Variants in ADGRV1 observed in about 807,000 individuals in gnomAD.
ADGRV1 encodes G-protein coupled receptor 98.
In ADGRV1, 359 loss-of-function variants were observed where a neutral mutation model predicts 596.2. That is an observed-to-expected ratio of 0.60 (90% CI 0.55 to 0.66). The LOEUF (loss-of-function observed/expected upper bound fraction) is 0.66, where lower values mean the gene tolerates loss of function less well. Among genes scored for constraint, ADGRV1 ranks in the 30% least tolerant of loss-of-function variants. The probability of loss-of-function intolerance (pLI) is 0.00; values close to 1 mark genes in which losing one functional copy is unlikely to be tolerated. For synonymous variants in ADGRV1, 2,681 were observed against 2,679.2 expected (o/e 1.00, Z -0.02); for missense variants, 7,274 against 7,575.6 (o/e 0.96, Z 1.48).
chr5:90,915,206 G>T (rs539728644), intron 83 of ADGRV1, among the ~76,000 whole-genome samples: 126 of 152,172 alleles, frequency 8.3e-4, no homozygotes, highest in Non-Finnish European at 1.4e-3. Flanking sequence ...CATAGAAAAG[G>T]TATTCCAATG....
intron 3 of ADGRV1, 130 bp downstream of exon 3, chr5:90,618,083 A>G (rs1388876637): frequency 3.3e-6 from 2 of 599,452 alleles, no homozygotes; most frequent in East Asian, 6.0e-5. Context: ...GTATTCATAG[A>G]ATCCAGAACT....
rs571703718 is a variant in ADGRV1 at position 90,912,436 on chromosome 5, G to T, written c.17856+48579G>T. Among the ~76,000 whole-genome samples the T allele has an allele frequency of 2.0e-5, 3 of 152,172 alleles. No homozygotes were observed. In the South Asian group the frequency reaches 6.2e-4, roughly 32 times the overall value. ...GCATATGCAGATTTGTTAGTTACAG[G>T]GTATATTGCATGATGCTGAGGTTTG... On this transcript the variant is annotated intron_variant, in intron 83 of 89. Transcript: ENST00000405460.
intron 1 of ADGRV1, among the ~76,000 whole-genome samples, chr5:90,584,712 T>C (rs1758522027): frequency 6.6e-6 from 1 of 152,216 alleles, no homozygotes; most frequent in Non-Finnish European, 1.5e-5. Context: ...ATTGAGCAAG[T>C]GGTGCAAGAG....
chr5:90,805,165 C>A, intron 71 of ADGRV1, 119 bp from the exon 72 acceptor site: 1 of 592,862 alleles, frequency 1.7e-6, no homozygotes, highest in Non-Finnish European at 2.6e-6. Context: ...CTCTTTAATT[C>A]AGTATGAGAC....
At position 90,776,566 on chromosome 5, in the gene ADGRV1, G is replaced by T. The variant is rs759199541; in HGVS notation, c.12517G>T (p.Ala4173Ser). ...ACCCTCAGCAAAATATAATGGTACC[G>T]CTATTATCAGGTAAGGACTTCATGA... ...GEPSAKYNGTAIISLVRGPGI... is the reference protein window; with the variant it reads ...GEPSAKYNGTSIISLVRGPGI... Residue 4173 changes from alanine to serine, a missense_variant, in exon 61 of 90, where the codon GCT (alanine) becomes TCT (serine). Coordinates refer to ENST00000405460, the MANE Select transcript of ADGRV1 (RefSeq NM_032119.4). 23 of 1,613,074 alleles carry T rather than the reference G, an allele frequency of 1.4e-5. No individual in the cohort carries two copies. The highest frequency in any genetic ancestry group is 1.8e-5 in the Non-Finnish European group (21 of 1,179,380).
intron 44 of ADGRV1, among the ~76,000 whole-genome samples, chr5:90,720,677 A>T (rs1750792709): frequency 6.6e-6 from 1 of 152,066 alleles, no homozygotes; most frequent in Admixed American, 6.6e-5. Context: ...TAATATGTTA[A>T]TTTCCTGACT....
intron 74 of ADGRV1, among the ~76,000 whole-genome samples, chr5:90,813,132 CAAAAAAAAAAAAAAA>C (rs5869522): frequency 0.014 from 480 of 34,948 alleles, 23 homozygotes; most frequent in African/African-American, 0.038. Context: ...GACTCCGTCT[CAAAAAAAAAAAAAAA>C]AAAAAAAAAA....
At chr5:91,110,761 G>A (rs1026256136) in intron 87 of ADGRV1, among the ~76,000 whole-genome samples, 2 of 152,174 alleles carry the variant, frequency 1.3e-5, no homozygotes, top group African/African-American at 2.4e-5. Flanking sequence ...AATCTGAAAC[G>A]CATTCTTCTT....
At chr5:91,130,196 C>G (rs1242394083) in intron 87 of ADGRV1, among the ~76,000 whole-genome samples, 1 of 151,014 alleles carries the variant, frequency 6.6e-6, no homozygotes. Context: ...ACATCCCTTT[C>G]TCTCCACTTT....
At chr5:90,841,009 A>C in intron 78 of ADGRV1, 24 bp downstream of exon 78, 1 of 1,406,226 alleles carries the variant, frequency 7.1e-7, no homozygotes, top group Non-Finnish European at 9.3e-7. Flanking sequence ...AATATTAGTA[A>C]TTTGTTTAGT....
chr5:91,142,253 A>G (rs1002110959), intron 87 of ADGRV1, among the ~76,000 whole-genome samples: 5 of 152,002 alleles, frequency 3.3e-5, no homozygotes, highest in African/African-American at 4.8e-5. Context: ...CTCCTCCTGC[A>G]TGCCAGGGAC....
intron 83 of ADGRV1, among the ~76,000 whole-genome samples, chr5:90,921,142 C>T (rs1773839378): frequency 6.6e-6 from 1 of 152,170 alleles, no homozygotes; most frequent in Admixed American, 6.5e-5. Context: ...TTTACAATCA[C>T]ATGCATTTTA....
At chr5:90,994,940 T>G (rs1037561177) in intron 85 of ADGRV1, among the ~76,000 whole-genome samples, 2 of 152,192 alleles carry the variant, frequency 1.3e-5, no homozygotes, top group African/African-American at 4.8e-5. Flanking sequence ...ACCAGGAAGT[T>G]AGTAACTGCC....
At chr5:90,765,131 C>G (rs149141493) in intron 59 of ADGRV1, among the ~76,000 whole-genome samples, 225 of 152,190 alleles carry the variant, frequency 1.5e-3, no homozygotes, top group African/African-American at 4.9e-3. Context: ...GATCCTGGCT[C>G]TCTTCCCCCA....
intron 1 of ADGRV1, among the ~76,000 whole-genome samples, chr5:90,593,134 A>G (rs971760824): frequency 6.6e-6 from 1 of 152,216 alleles, no homozygotes; most frequent in Non-Finnish European, 1.5e-5. Context: ...TCATGCTACT[A>G]TAAAGACACA....
rs186969433 is a variant in ADGRV1, at chr5:91,135,935, T to G, written c.18433-14095T>G. Among the ~76,000 whole-genome samples the G allele has an allele frequency of 1.8e-3, 280 of 151,976 alleles. 1 individual carries two copies. Among genetic ancestry groups the G allele is most frequent in the African/African-American group, 6.4e-3 (266 of 41,432 alleles). ...AGGAAGTTGATACTTAACTGATAAG[T>G]AGGATTAGCAGGTAGTCAGGGAAGA... On this transcript the variant is annotated intron_variant, in intron 87 of 89. Transcript: ENST00000405460.
intron 50 of ADGRV1, among the ~76,000 whole-genome samples, chr5:90,737,877 A>C (rs1032004457): frequency 4.6e-5 from 7 of 151,820 alleles, no homozygotes; most frequent in African/African-American, 1.7e-4. Context: ...TTTTTAATAC[A>C]TTAAGCCATT....
chr5:90,819,191 GT>G lies in ADGRV1; in HGVS notation c.16196+3458del, dbSNP rs1399852214. On this transcript the variant is annotated intron_variant, in intron 75 of 89. Coordinates refer to ENST00000405460, the MANE Select transcript of ADGRV1 (RefSeq NM_032119.4). ...TTATCCATTTCTTCTAGATATTCTAGTTTATTTGCGTAGAGGTGTTTGTAGT... is the reference window on the plus strand; with the variant it reads ...TTATCCATTTCTTCTAGATATTCTAGTTATTTGCGTAGAGGTGTTTGTAGT... Among the ~76,000 whole-genome samples, 6 of 152,152 alleles carry G rather than the reference GT, an allele frequency of 3.9e-5. No individual in the cohort carries two copies. In the East Asian group the frequency reaches 1.2e-3, roughly 29 times the overall value.
intron 38 of ADGRV1, 106 bp downstream of exon 38, chr5:90,706,500 C>CAT (rs949629508): frequency 1.1e-6 from 1 of 922,226 alleles, no homozygotes; most frequent in Admixed American, 3.0e-5. Flanking sequence ...AGGTTTGTTA[C>CAT]ATATATATAC....
Sources: allele counts gnomAD v4.1 joint callset (sites outside exome capture counted in the v4.1 genomes callset), GRCh38; gene constraint gnomAD v4.1.1; transcripts MANE v1.5; gene names NCBI Gene and HGNC (gene_info 2026-07-23, HGNC 2026-07-21).